RPSA2: variants seen among roughly 807,000 people sequenced by gnomAD.
RPSA2 encodes ribosomal protein SA 2.
At chr19:23,854,312 TTAGG>T in the RPSA2 span, among the ~76,000 whole-genome samples, 2 of 152,100 alleles carry the variant, frequency 1.3e-5, no homozygotes, top group African/African-American at 2.4e-5. Context: ...AGGCAAAGAA[TTAGG>T]TAGTAAATTT....
the RPSA2 span, chr19:23,758,896 G>C: frequency 9.0e-7 from 1 of 1,107,336 alleles, no homozygotes. Flanking sequence ...AGAGACAAAG[G>C]CCCCGCCAAT....
At chr19:23,765,733 A>G in the RPSA2 span, among the ~76,000 whole-genome samples, 13 of 152,156 alleles carry the variant, frequency 8.5e-5, no homozygotes, top group Non-Finnish European at 1.6e-4. Context: ...ACACAAATTT[A>G]CCTATGTAAA....
At chr19:23,850,117 T>C in the RPSA2 span, among the ~76,000 whole-genome samples, 1 of 151,600 alleles carries the variant, frequency 6.6e-6, no homozygotes, top group Non-Finnish European at 1.5e-5. Context: ...CCTGGTTGAG[T>C]GGGGCAATGG....
the RPSA2 span, among the ~76,000 whole-genome samples, chr19:23,795,520 T>C: frequency 6.6e-6 from 1 of 152,206 alleles, no homozygotes; most frequent in African/African-American, 2.4e-5. Context: ...TGTACATTTA[T>C]TTTGTATCCT....
chr19:23,823,489 T>G, the RPSA2 span, among the ~76,000 whole-genome samples: 2 of 152,128 alleles, frequency 1.3e-5, no homozygotes, highest in African/African-American at 2.4e-5. Flanking sequence ...CCCCCACATG[T>G]CACTGTCTGC....
At chr19:23,805,747 G>T in the RPSA2 span, among the ~76,000 whole-genome samples, 3 of 152,110 alleles carry the variant, frequency 2.0e-5, no homozygotes, top group African/African-American at 7.2e-5. Context: ...ATTGCCATGT[G>T]CTTAGTATGT....
At chr19:23,766,575 C>T in the RPSA2 span, among the ~76,000 whole-genome samples, 1 of 151,310 alleles carries the variant, frequency 6.6e-6, no homozygotes, top group Non-Finnish European at 1.5e-5. Context: ...CTGCCTCAGC[C>T]TTCCGAGTAG....
chr19:23,790,827 G>T, the RPSA2 span: 1 of 537,828 alleles, frequency 1.9e-6, no homozygotes, highest in Non-Finnish European at 3.4e-6. Flanking sequence ...GTTGGAACTG[G>T]TGGGAAGCAG....
the RPSA2 span, among the ~76,000 whole-genome samples, chr19:23,824,580 C>CTTTTTTTTTTTTTTTTTT: frequency 3.0e-4 from 19 of 63,818 alleles, no homozygotes; most frequent in African/African-American, 1.2e-3. Flanking sequence ...TATAGCATTT[C>CTTTTTTTTTTTTTTTTTT]TTTTTTTTTT....
the RPSA2 span, chr19:23,833,053 T>C: frequency 7.4e-7 from 1 of 1,348,444 alleles, no homozygotes; most frequent in Non-Finnish European, 9.7e-7. Flanking sequence ...AAAGAAACCC[T>C]ACAAGTGTGA....
chr19:23,783,539 CAAA>C, the RPSA2 span, among the ~76,000 whole-genome samples: 1 of 131,030 alleles, frequency 7.6e-6, no homozygotes, highest in Non-Finnish European at 1.6e-5. Flanking sequence ...TGAGCACTGC[CAAA>C]AAAAAAAAAA....
chr19:23,774,525 G>A, the RPSA2 span, among the ~76,000 whole-genome samples: 1 of 152,160 alleles, frequency 6.6e-6, no homozygotes, highest in Non-Finnish European at 1.5e-5. Context: ...GACCTCAGAA[G>A]CCATTGTGAC....
chr19:23,861,159 C>A, the RPSA2 span, among the ~76,000 whole-genome samples: 1 of 152,196 alleles, frequency 6.6e-6, no homozygotes, highest in Non-Finnish European at 1.5e-5. Context: ...CTTCGGATCA[C>A]CCCAGTGCAA....
chr19:23,797,101 A>ATT, the RPSA2 span, among the ~76,000 whole-genome samples: 1 of 150,876 alleles, frequency 6.6e-6, no homozygotes, highest in Non-Finnish European at 1.5e-5. Context: ...TTTTATTTTT[A>ATT]TTTATATTTA....
At chr19:23,851,316 G>C in the RPSA2 span, among the ~76,000 whole-genome samples, 6 of 152,180 alleles carry the variant, frequency 3.9e-5, no homozygotes, top group African/African-American at 1.4e-4. Context: ...TTCCAGGTGA[G>C]AGCAAATTTA....
chr19:23,869,800 G>A, the RPSA2 span, among the ~76,000 whole-genome samples: 9 of 152,134 alleles, frequency 5.9e-5, no homozygotes, highest in African/African-American at 2.2e-4. Flanking sequence ...TATCCGGGTA[G>A]GAACACTCTC....
the RPSA2 span, among the ~76,000 whole-genome samples, chr19:23,761,647 A>G: frequency 0.98 from 148,800 of 152,098 alleles, 72,881 homozygotes; most frequent in Middle Eastern, 1. Flanking sequence ...AAGGTATTCT[A>G]ATGTGACCCA....
the RPSA2 span, among the ~76,000 whole-genome samples, chr19:23,775,227 CAG>C: frequency 6.6e-6 from 1 of 152,162 alleles, no homozygotes; most frequent in African/African-American, 2.4e-5. Flanking sequence ...CATCCATGGA[CAG>C]AGCCTACTGG....
At chr19:23,856,063 G>A in the RPSA2 span, among the ~76,000 whole-genome samples, 27 of 152,148 alleles carry the variant, frequency 1.8e-4, no homozygotes, top group Non-Finnish European at 1.8e-4. Flanking sequence ...AACATCATCA[G>A]GTGGGGGAGG....
Sources: allele counts gnomAD v4.1 joint callset (sites outside exome capture counted in the v4.1 genomes callset), GRCh38; gene constraint gnomAD v4.1.1; transcripts MANE v1.5; gene names NCBI Gene and HGNC (gene_info 2026-07-23, HGNC 2026-07-21).